The following CENPE variants were observed in gnomAD, a reference collection of about 807,000 sequenced individuals.
CENPE encodes centromere protein E.
CENPE carries 145 observed loss-of-function variants against 336.1 expected under a neutral mutation model. The observed-to-expected ratio is 0.43, with a 90% CI of 0.38 to 0.50. The LOEUF (loss-of-function observed/expected upper bound fraction) is 0.50. Ranked by LOEUF, CENPE falls within the 20% of genes least tolerant of loss-of-function variation. The pLI is 0.00. For synonymous variants in CENPE, 1,013 were observed against 984.8 expected (o/e 1.03, Z -0.54); for missense variants, 2,719 against 3,023.3 (o/e 0.90, Z 2.36).
intron 16 of CENPE, among the ~76,000 whole-genome samples, chr4:103,168,766 G>A (rs1343443775): frequency 6.6e-6 from 1 of 152,072 alleles, no homozygotes; most frequent in Non-Finnish European, 1.5e-5. Context: ...GCCCACCTGG[G>A]GACCTAAAGA....
chr4:103,165,204 C>T (rs1754800342), intron 16 of CENPE, among the ~76,000 whole-genome samples: 1 of 152,004 alleles, frequency 6.6e-6, no homozygotes, highest in Admixed American at 6.6e-5. Context: ...ACAGTTAATC[C>T]ATTGCTACCA....
chr4:103,183,517 AAAATG>A (rs1161291618), intron 9 of CENPE, among the ~76,000 whole-genome samples: 1 of 152,142 alleles, frequency 6.6e-6, no homozygotes, highest in Non-Finnish European at 1.5e-5. Flanking sequence ...TAAAAAGAAA[AAAATG>A]AAGAGGGAGG....
At position 103,160,710 on chromosome 4, in the gene CENPE, TCAA is replaced by T; in HGVS notation, c.2198_2200del (p.Val733del). The T allele has an allele frequency of 6.2e-7, 1 of 1,610,708 alleles. No homozygotes were observed. The highest frequency in any genetic ancestry group is 8.5e-7 in the Non-Finnish European group (1 of 1,178,118). On this transcript the variant is annotated inframe_deletion, in exon 21 of 49. Coordinates refer to ENST00000265148, the MANE Select transcript of CENPE (RefSeq NM_001813.3). The stretch of plus-strand genomic sequence containing the variant: ...TTCTTCCCGCAAAGCTTCATTTTCT[TCAA>T]CTTCTTTATTTAGTTCTTTCTGAAG...
Position 103,160,693 on chromosome 4 carries a change from G to T in CENPE, c.2218C>A (p.Arg740=). The change falls in exon 21 of 49, where the codon CGG becomes AGG. Residue 740 remains arginine, a synonymous_variant. Coordinates refer to ENST00000265148, the MANE Select transcript of CENPE (RefSeq NM_001813.3). ...NKEVEENEAL[R]EEVILLSELK... ...TCTGAAAGCAAAATGACTTCTTCCC[G>T]CAAAGCTTCATTTTCTTCAACTTCT... 9 of 1,610,356 alleles carry T rather than the reference G, an allele frequency of 5.6e-6. No homozygotes were observed. The highest frequency in any genetic ancestry group is 6.8e-6 in the Non-Finnish European group (8 of 1,178,108).
At chr4:103,124,445 A>C (rs907137754) in intron 42 of CENPE, among the ~76,000 whole-genome samples, 3 of 152,212 alleles carry the variant, frequency 2.0e-5, no homozygotes, top group Non-Finnish European at 4.4e-5. Flanking sequence ...AACCTGAAGA[A>C]TTATCCAGGT....
rs761137892 is a variant in CENPE, at chr4:103,139,828, C to T, written c.6165G>A (p.Arg2055=). 2.7e-5 allele frequency: 44 copies of T among 1,612,076 alleles called. No homozygotes were observed. The East Asian group carries it at 4.5e-4, about 16-fold the overall frequency. Residue 2055 remains arginine, a synonymous_variant, in exon 38 of 49, where the codon AGG becomes AGA. Coordinates refer to ENST00000265148, the MANE Select transcript of CENPE (RefSeq NM_001813.3). ...RRIKESLKME[R]DQFIATLREM... is the part of the protein sequence containing the mutation. ...CCCTTAAGGTTGCTATGAATTGGTC[C>T]CTTTCCATTTTGAGAGATTCTTTTA...
intron 38 of CENPE, among the ~76,000 whole-genome samples, chr4:103,138,842 AAAAT>A (rs538574498): frequency 7.2e-5 from 11 of 152,106 alleles, no homozygotes; most frequent in East Asian, 1.9e-4. Flanking sequence ...TGTCTCTATA[AAAAT>A]AAATAAATAA....
chr4:103,148,916 G>A lies in CENPE; in HGVS notation c.3771C>T (p.Ser1257=), dbSNP rs751590849. ...TTATTTGAGCTGTCTTCTCAGATAC[G>A]CTTCTTCTTAGTTCATCAATAGTTT... The part of the protein sequence containing the change: ...HQETIDELRR[S]VSEKTAQIIN... Residue 1257 remains serine, a synonymous_variant, in exon 28 of 49, where the codon AGC becomes AGT. Coordinates refer to ENST00000265148, the MANE Select transcript of CENPE (RefSeq NM_001813.3). The A allele has an allele frequency of 2.3e-5, 37 of 1,612,538 alleles. No individual in the cohort carries two copies. The highest frequency in any genetic ancestry group is 6.6e-5 in the South Asian group (6 of 91,032).
At chr4:103,185,469 T>C (rs555077715) in intron 9 of CENPE, among the ~76,000 whole-genome samples, 352 of 152,204 alleles carry the variant, frequency 2.3e-3, no homozygotes, top group Non-Finnish European at 3.6e-3. Flanking sequence ...AAAATTAATA[T>C]CTGCATATTA....
intron 8 of CENPE, among the ~76,000 whole-genome samples, chr4:103,186,988 A>C (rs766845870): frequency 6.6e-6 from 1 of 152,224 alleles, no homozygotes; most frequent in Non-Finnish European, 1.5e-5. Context: ...AGACAGGAAA[A>C]GACAGAATAA....
rs1417106669 is a variant in CENPE at position 103,158,737 on chromosome 4, C to G, written c.2751G>C (p.Leu917=). 1 of 1,613,054 alleles carries G rather than the reference C, an allele frequency of 6.2e-7. No individual in the cohort carries two copies. The highest frequency in any genetic ancestry group is 1.7e-5 in the Admixed American group (1 of 59,852). ...EREKTLITEK[L]QQTLEEVKTL... ...TTTTTACTTCTTCTAAAGTTTGCTGCAGTTTCTCAGTAATCAGTGTTTTCT... is the reference window on the plus strand; with the variant it reads ...TTTTTACTTCTTCTAAAGTTTGCTGGAGTTTCTCAGTAATCAGTGTTTTCT... The change falls in exon 23 of 49, where the codon CTG becomes CTC. Residue 917 remains leucine, a synonymous_variant. Transcript: ENST00000265148.
At chr4:103,191,803 A>C (rs1757378040) in intron 8 of CENPE, among the ~76,000 whole-genome samples, 2 of 152,142 alleles carry the variant, frequency 1.3e-5, no homozygotes, top group Non-Finnish European at 2.9e-5. Flanking sequence ...ATAAAAAAAT[A>C]AATAAAAATA....
At chr4:103,196,582 T>G (rs1226204363) in intron 2 of CENPE, among the ~76,000 whole-genome samples, 177 bp downstream of exon 2, 3 of 152,234 alleles carry the variant, frequency 2.0e-5, no homozygotes. Context: ...CTGTTTTAAA[T>G]GCCAATTGGT....
chr4:103,136,955 A>G (rs142567748), intron 39 of CENPE, among the ~76,000 whole-genome samples: 1 of 152,202 alleles, frequency 6.6e-6, no homozygotes, highest in Non-Finnish European at 1.5e-5. Flanking sequence ...GAAGACTACA[A>G]TAATTACCAC....
chr4:103,197,121 G>A (rs1757801746), intron 1 of CENPE, among the ~76,000 whole-genome samples: 2 of 152,186 alleles, frequency 1.3e-5, no homozygotes, highest in Admixed American at 1.3e-4. Flanking sequence ...CTCTGATTAT[G>A]TCTGTCTTGC....
At chr4:103,184,930 C>A (rs1486720890) in intron 9 of CENPE, among the ~76,000 whole-genome samples, 1 of 152,004 alleles carries the variant, frequency 6.6e-6, no homozygotes, top group Non-Finnish European at 1.5e-5. Context: ...GCCTGATATC[C>A]TTGTGATTTT....
Position 103,106,136 on chromosome 4 carries a change from C to A in CENPE, c.*86G>T. The A allele has an allele frequency of 2.4e-6, 2 of 817,772 alleles. No homozygotes were observed. The highest frequency in any genetic ancestry group is 3.3e-5 in the South Asian group (1 of 30,240). The allele number at this position is 817,772 out of a possible 1,614,324, so 50.7% of individuals were successfully genotyped here. ...ACTGAATTGAAATTAAGCTGCACTA[C>A]AACATCATTACCAGGGATAGACACA... On this transcript the variant is annotated 3_prime_UTR_variant, in exon 49 of 49. Transcript: ENST00000265148.
chr4:103,134,591 A>G (rs2720461), intron 40 of CENPE, among the ~76,000 whole-genome samples: 55,907 of 145,522 alleles, frequency 0.38, 10,661 homozygotes, highest in Middle Eastern at 0.5. Context: ...CGAGATCATC[A>G]CACCACTGCA....
chr4:103,174,650 T>A (rs1192000591), intron 16 of CENPE, 86 bp downstream of exon 16: 2 of 991,614 alleles, frequency 2.0e-6, no homozygotes, highest in Non-Finnish European at 2.8e-6. Flanking sequence ...TTAAAAAAAA[T>A]TAAAAAAGCT....
Sources: allele counts gnomAD v4.1 joint callset (sites outside exome capture counted in the v4.1 genomes callset), GRCh38; gene constraint gnomAD v4.1.1; transcripts MANE v1.5; gene names NCBI Gene and HGNC (gene_info 2026-07-23, HGNC 2026-07-21).